Variants in DGKE observed in about 807,000 individuals in gnomAD.
DGKE encodes diacylglycerol kinase epsilon.
Under a neutral mutation model 70.0 loss-of-function variants are expected in DGKE, and 53 were observed. The observed-to-expected ratio is 0.76, with a 90% CI of 0.61 to 0.95. The LOEUF is 0.95. Among genes scored for constraint, DGKE ranks in the 40% least tolerant of loss-of-function variants. The probability of loss-of-function intolerance (pLI) is 0.00; values close to 1 mark genes in which losing one functional copy is unlikely to be tolerated. For synonymous variants in DGKE, 291 were observed against 257.0 expected (o/e 1.13, Z -1.27); for missense variants, 655 against 706.9 (o/e 0.93, Z 0.83).
chr17:56,862,356 G>A, intron 11 of DGKE, 105 bp downstream of exon 11: 1 of 1,056,188 alleles, frequency 9.5e-7, no homozygotes, highest in Non-Finnish European at 1.4e-6. Context: ...GTGGTTTATG[G>A]CTCATGCAGC....
chr17:56,844,265 A>C, intron 3 of DGKE, 87 bp downstream of exon 3: 2 of 843,728 alleles, frequency 2.4e-6, no homozygotes, highest in Non-Finnish European at 3.4e-6. Context: ...GTATGTAAGA[A>C]GAATTGGTGC....
chr17:56,859,369 A>G (rs534332480), intron 9 of DGKE, among the ~76,000 whole-genome samples: 4 of 151,956 alleles, frequency 2.6e-5, no homozygotes, highest in Non-Finnish European at 5.9e-5. Context: ...AATAGTAAAA[A>G]TAGAATATTA....
chr17:56,837,171 G>A (rs1193272708), intron 2 of DGKE, among the ~76,000 whole-genome samples: 1 of 151,854 alleles, frequency 6.6e-6, no homozygotes, highest in East Asian at 1.9e-4. Flanking sequence ...AACATAAAAA[G>A]TTTCTCTGAA....
rs572764878 is a variant in DGKE, at chr17:56,869,342, G to T, written c.*6551G>T. On this transcript the variant is annotated 3_prime_UTR_variant, in exon 12 of 12. Coordinates refer to ENST00000284061, the MANE Select transcript of DGKE (RefSeq NM_003647.3). ...TAATTATTAGGGCAGGAGAGTGAAT[G>T]CATCTTAATATGCATGGCAGAACTG... The T allele has an allele frequency of 2.0e-5, 3 of 152,214 alleles. No individual in the cohort carries two copies. The highest frequency in any genetic ancestry group is 4.4e-5 in the Non-Finnish European group (3 of 68,032). The allele number at this position is 152,214 out of a possible 1,614,324, so 9.4% of individuals were successfully genotyped here.
chr17:56,853,877 A>G (rs1219574937), intron 7 of DGKE, among the ~76,000 whole-genome samples: 4 of 152,172 alleles, frequency 2.6e-5, no homozygotes, highest in African/African-American at 9.7e-5. Context: ...TCATTGCAGC[A>G]TTATGTACAA....
At chr17:56,859,277 A>G (rs1302737432) in intron 9 of DGKE, among the ~76,000 whole-genome samples, 1 of 151,624 alleles carries the variant, frequency 6.6e-6, no homozygotes, top group Non-Finnish European at 1.5e-5. Context: ...GTGAGCCAAG[A>G]TCGCGACGCT....
chr17:56,861,692 C>G (rs759872111), intron 9 of DGKE, 99 bp from the exon 10 acceptor site: 2 of 1,509,752 alleles, frequency 1.3e-6, no homozygotes, highest in East Asian at 2.3e-5. Flanking sequence ...GTGCATCTCT[C>G]ATATATAAGC....
chr17:56,848,870 CA>C lies in DGKE; in HGVS notation c.1046+22del. On this transcript the variant is annotated intron_variant, in intron 6 of 11. Coordinates refer to ENST00000284061, the MANE Select transcript of DGKE (RefSeq NM_003647.3). ...ACTAGATCGGTAAGTTACGTTTCCC[CA>C]AAAAGTAGATTTCTTGAGATTTAGC... 1 of 1,613,428 alleles carries C rather than the reference CA, an allele frequency of 6.2e-7. No individual in the cohort carries two copies. The highest frequency in any genetic ancestry group is 8.5e-7 in the Non-Finnish European group (1 of 1,179,760).
chr17:56,847,534 A>C (rs1907361629), intron 4 of DGKE: 1 of 152,592 alleles, frequency 6.6e-6, no homozygotes, highest in African/African-American at 2.4e-5. Context: ...GGATTTCACC[A>C]TGTTGGCCAG....
At chr17:56,859,426 CT>C (rs756657239) in intron 9 of DGKE, among the ~76,000 whole-genome samples, 81 of 146,508 alleles carry the variant, frequency 5.5e-4, no homozygotes, top group Admixed American at 5.5e-4. Flanking sequence ...ATATGGCAGT[CT>C]TTTTTTTTTT....
At position 56,864,056 on chromosome 17, in the gene DGKE, G is replaced by A. The variant is rs1378394835; in HGVS notation, c.*1265G>A. On this transcript the variant is annotated 3_prime_UTR_variant, in exon 12 of 12. Transcript: ENST00000284061. ...TGAAAAGCACTAGGGAACTACTTTT[G>A]GATAACTGAAAGCTTTGTTTCATTG... 6.6e-6 allele frequency: 1 copy of A among 152,166 alleles called. No individual in the cohort carries two copies. Among genetic ancestry groups the A allele is most frequent in the Admixed American group, 6.5e-5 (1 of 15,286 alleles). 9.4% of individuals were successfully genotyped at this position (152,166 alleles called of 1,614,324 possible).
chr17:56,858,224 C>T (rs1393550080), intron 8 of DGKE, among the ~76,000 whole-genome samples: 1 of 152,124 alleles, frequency 6.6e-6, no homozygotes, highest in African/African-American at 2.4e-5. Flanking sequence ...CACAGTTCAC[C>T]TAGAACTTTT....
rs1200565530 is a variant in DGKE at position 56,835,108 on chromosome 17, C to T, written c.313C>T (p.Arg105Cys). The change falls in exon 2 of 12, where the codon CGC becomes TGC. Residue 105 changes from arginine (R) to cysteine (C), a missense_variant. By Grantham distance (180) the Arg-to-Cys change is radical. Coordinates refer to ENST00000284061, the MANE Select transcript of DGKE (RefSeq NM_003647.3). ...GGGCTGCCTCAGGAAGGCCGACAAG[C>T]GCTTCCAGTGCAAGGAGATTATGCT... ...DEGCLRKADK[R>C]FQCKEIMLKN... 2.5e-6 allele frequency: 4 copies of T among 1,613,904 alleles called. No individual in the cohort carries two copies. The highest frequency in any genetic ancestry group is 2.5e-6 in the Non-Finnish European group (3 of 1,180,048).
At chr17:56,860,190 A>T (rs148378831) in intron 9 of DGKE, among the ~76,000 whole-genome samples, 2 of 152,180 alleles carry the variant, frequency 1.3e-5, no homozygotes, top group Non-Finnish European at 2.9e-5. Context: ...TCGATACTGG[A>T]GGTAGACAGT....
In DGKE at chr17:56,862,914, G is replaced by A. The variant is rs764793945; in HGVS notation, c.*123G>A. On this transcript the variant is annotated 3_prime_UTR_variant, in exon 12 of 12. Coordinates refer to ENST00000284061, the MANE Select transcript of DGKE (RefSeq NM_003647.3). ...CTTAATTTCACTAGTAGTATAATGG[G>A]TATACATTTTTGTAAATAGCATCCC... The A allele has an allele frequency of 2.6e-6, 2 of 782,228 alleles. No homozygotes were observed. The highest frequency in any genetic ancestry group is 1.8e-6 in the Non-Finnish European group (1 of 568,250). 48.5% of individuals were successfully genotyped at this position (782,228 alleles called of 1,614,324 possible). A position where few individuals can be genotyped will look rare whatever the true frequency, so the allele number is the denominator to read the frequency against.
At chr17:56,858,776 G>A (rs990889236) in intron 9 of DGKE, 111 bp downstream of exon 9, 25 of 765,300 alleles carry the variant, frequency 3.3e-5, no homozygotes, top group Middle Eastern at 6.5e-4. Context: ...AGCATACATA[G>A]AGTATTTATT....
intron 7 of DGKE, among the ~76,000 whole-genome samples, chr17:56,854,370 G>A (rs943649842): frequency 2.0e-5 from 3 of 151,842 alleles, no homozygotes; most frequent in African/African-American, 4.8e-5. Context: ...ATGCAGTGGC[G>A]TGATCACGGC....
chr17:56,869,355 C>T lies in DGKE; in HGVS notation c.*6564C>T, dbSNP rs1419836524. On this transcript the variant is annotated 3_prime_UTR_variant, in exon 12 of 12. Transcript: ENST00000284061. ...AGGAGAGTGAATGCATCTTAATATG[C>T]ATGGCAGAACTGTGTGTTTCCTTCC... 3 of 152,220 alleles carry T rather than the reference C, an allele frequency of 2.0e-5. No homozygotes were observed. Among genetic ancestry groups the T allele is most frequent in the African/African-American group, 7.2e-5 (3 of 41,456 alleles). The allele number at this position is 152,220 out of a possible 1,614,324, so 9.4% of individuals were successfully genotyped here.
At chr17:56,848,104 G>A (rs1257144960) in intron 5 of DGKE, 39 bp downstream of exon 5, 2 of 1,278,864 alleles carry the variant, frequency 1.6e-6, no homozygotes, top group Non-Finnish European at 2.0e-6. Context: ...GGACTTCTAA[G>A]ATAAATATAC....
Sources: gnomAD v4.1 joint callset for allele counts (sites outside exome capture counted in the v4.1 genomes callset) on GRCh38, gnomAD v4.1.1 for gene constraint, MANE v1.5 for transcripts, NCBI Gene and HGNC (gene_info 2026-07-23, HGNC 2026-07-21) for gene names.